The following PREP variants were observed in gnomAD, a reference collection of about 807,000 sequenced individuals.
PREP encodes prolyl endopeptidase.
A neutral mutation model predicts 87.6 loss-of-function variants in PREP; 29 were observed. The observed-to-expected ratio is 0.33, with a 90% CI of 0.25 to 0.45. The LOEUF (loss-of-function observed/expected upper bound fraction) is 0.45, where lower values mean the gene tolerates loss of function less well. Ranked by LOEUF, PREP falls within the 20% of genes least tolerant of loss-of-function variation. PREP has a pLI of 1.00. For synonymous variants in PREP, 337 were observed against 328.6 expected (o/e 1.03, Z -0.28); for missense variants, 695 against 886.5 (o/e 0.78, Z 2.74).
intron 10 of PREP, among the ~76,000 whole-genome samples, chr6:105,318,584 G>T (rs1476828556): frequency 6.6e-6 from 1 of 152,188 alleles, no homozygotes; most frequent in East Asian, 1.9e-4. Flanking sequence ...AAGCTAGAAT[G>T]CCTGCATGAT....
chr6:105,372,297 A>G (rs1330611812), intron 5 of PREP, among the ~76,000 whole-genome samples: 4 of 152,192 alleles, frequency 2.6e-5, no homozygotes, highest in Non-Finnish European at 5.9e-5. Context: ...TACAGCAGAA[A>G]GCACTGGAGT....
At chr6:105,333,556 G>C (rs1391795346) in intron 7 of PREP, 51 bp from the exon 8 acceptor site, 1 of 1,569,638 alleles carries the variant, frequency 6.4e-7, no homozygotes, top group Non-Finnish European at 8.8e-7. Context: ...TAAAAATGGT[G>C]TTGCTTTGTG....
At chr6:105,332,107 G>C (rs1771350806) in intron 8 of PREP, among the ~76,000 whole-genome samples, 1 of 152,120 alleles carries the variant, frequency 6.6e-6, no homozygotes, top group Non-Finnish European at 1.5e-5. Flanking sequence ...TGCCTACAGG[G>C]GTGTGGAGAT....
At chr6:105,355,618 C>T (rs1396837552) in intron 6 of PREP, among the ~76,000 whole-genome samples, 1 of 152,190 alleles carries the variant, frequency 6.6e-6, no homozygotes, top group African/African-American at 2.4e-5. Flanking sequence ...CTTCCTGAAT[C>T]TGTTGATTTC....
intron 2 of PREP, among the ~76,000 whole-genome samples, chr6:105,393,797 T>C (rs954369153): frequency 3.9e-5 from 6 of 152,346 alleles, no homozygotes; most frequent in Non-Finnish European, 5.9e-5. Flanking sequence ...AGTGGCAGGA[T>C]TGGCCAACCT....
At chr6:105,285,169 C>T (rs1296001170) in intron 12 of PREP, among the ~76,000 whole-genome samples, 2 of 152,136 alleles carry the variant, frequency 1.3e-5, no homozygotes, top group Non-Finnish European at 2.9e-5. Context: ...TACCAAAAAG[C>T]TCTCCGAGAT....
At chr6:105,317,105 C>T (rs1253464269) in intron 10 of PREP, among the ~76,000 whole-genome samples, 2 of 151,392 alleles carry the variant, frequency 1.3e-5, no homozygotes, top group Non-Finnish European at 2.9e-5. Context: ...ACCACCGTGC[C>T]TGGCTAATTA....
intron 10 of PREP, 93 bp from the exon 11 acceptor site, chr6:105,288,987 G>T: frequency 7.7e-7 from 1 of 1,300,338 alleles, no homozygotes; most frequent in Non-Finnish European, 1.1e-6. Context: ...CTCTCTTCAT[G>T]ATGTACAGTA....
intron 10 of PREP, among the ~76,000 whole-genome samples, chr6:105,317,542 C>A (rs1242311740): frequency 6.6e-6 from 1 of 152,148 alleles, no homozygotes; most frequent in Non-Finnish European, 1.5e-5. Context: ...GAAAAACATA[C>A]CACCTAGGAA....
At chr6:105,331,872 G>C (rs1381242877) in intron 8 of PREP, among the ~76,000 whole-genome samples, 2 of 152,084 alleles carry the variant, frequency 1.3e-5, no homozygotes, top group African/African-American at 4.8e-5. Context: ...CCACCCTATG[G>C]GAGGGTGACA....
intron 7 of PREP, among the ~76,000 whole-genome samples, chr6:105,340,024 T>G (rs1037680357): frequency 1.3e-5 from 2 of 151,938 alleles, no homozygotes; most frequent in African/African-American, 4.8e-5. Context: ...AACATTCAAA[T>G]TCACGAAATA....
intron 2 of PREP, among the ~76,000 whole-genome samples, chr6:105,388,023 T>G (rs1320113309): frequency 6.6e-6 from 1 of 151,846 alleles, no homozygotes; most frequent in African/African-American, 2.4e-5. Flanking sequence ...GAAGCACATA[T>G]GGAGAAAAGA....
At chr6:105,370,294 C>T (rs376802696) in intron 5 of PREP, among the ~76,000 whole-genome samples, 2 of 130,436 alleles carry the variant, frequency 1.5e-5, no homozygotes, top group East Asian at 4.1e-4. Flanking sequence ...CAGAGTGAGA[C>T]TCCATCTCAA....
At chr6:105,345,891 A>C (rs1474547557) in intron 7 of PREP, among the ~76,000 whole-genome samples, 1 of 152,236 alleles carries the variant, frequency 6.6e-6, no homozygotes, top group African/African-American at 2.4e-5. Context: ...CCTGACACAC[A>C]GGAAATGTTA....
chr6:105,386,351 T>C (rs746159581), intron 2 of PREP, among the ~76,000 whole-genome samples: 1 of 152,152 alleles, frequency 6.6e-6, no homozygotes, highest in Admixed American at 6.5e-5. Flanking sequence ...ACTGAACATC[T>C]AGCTCAGTGG....
chr6:105,299,025 A>G (rs1416350814), intron 10 of PREP: 3 of 152,144 alleles, frequency 2.0e-5, no homozygotes, highest in African/African-American at 7.2e-5. Context: ...AACATTAAGC[A>G]CCGCAAGGCT....
intron 10 of PREP, among the ~76,000 whole-genome samples, chr6:105,310,373 T>C (rs1770735286): frequency 6.6e-6 from 1 of 152,076 alleles, no homozygotes. Context: ...AGAGCGTCTA[T>C]CTCCTCCTCT....
rs569809322 is a variant in PREP at position 105,308,594 on chromosome 6, T to C, written c.1317+15071A>G. Among the ~76,000 whole-genome samples, 206 of 152,200 alleles carry C rather than the reference T, an allele frequency of 1.4e-3. 2 individuals are homozygous for C. In the Middle Eastern group the frequency reaches 0.02, roughly 15 times the overall value. On this transcript the variant is annotated intron_variant, in intron 10 of 14. Coordinates refer to ENST00000652536, the MANE Select transcript of PREP (RefSeq NM_002726.5). The stretch of plus-strand genomic sequence containing the variant: ...ACAACATTCACTTTTCTGGCAACAT[T>C]TGTCCATTTCTAGTGGACAAATTAC...
chr6:105,300,440 T>G (rs1330040615), intron 10 of PREP, among the ~76,000 whole-genome samples: 2 of 152,212 alleles, frequency 1.3e-5, no homozygotes, highest in Non-Finnish European at 2.9e-5. Flanking sequence ...TTTTTAAGGC[T>G]TAACAGACAC....
Sources: gnomAD v4.1 joint callset for allele counts (sites outside exome capture counted in the v4.1 genomes callset) on GRCh38, gnomAD v4.1.1 for gene constraint, MANE v1.5 for transcripts, NCBI Gene and HGNC (gene_info 2026-07-23, HGNC 2026-07-21) for gene names.